Variants in BICRA observed in about 807,000 individuals in gnomAD.
The protein encoded by BICRA is BRD4 interacting chromatin remodeling complex associated protein.
In BICRA, 31 loss-of-function variants were observed where a neutral mutation model predicts 96.9. The ratio of observed to expected loss-of-function variants is 0.32; its 90% CI spans 0.24 to 0.43. BICRA has a LOEUF of 0.43. BICRA is among the 20% of genes least tolerant of loss of function. The pLI, the probability that BICRA is intolerant of heterozygous loss-of-function variation, is 1.00. For missense variants in BICRA, 2,283 were observed against 2,190.3 expected (o/e 1.04, Z -0.84); for synonymous variants, 1,350 against 1,071.8 (o/e 1.26, Z -5.07).
At position 47,695,447 on chromosome 19, in the gene BICRA, C is replaced by T. The variant is rs555772254; in HGVS notation, c.3159C>T (p.Ser1053=). 54 of 1,588,614 alleles carry T rather than the reference C, an allele frequency of 3.4e-5. No individual in the cohort carries two copies. The Middle Eastern group carries it at 8.3e-4, about 24-fold the overall frequency. The change falls in exon 10 of 15, where the codon TCC becomes TCT. Residue 1053 remains serine, a synonymous_variant. Coordinates refer to ENST00000594866, the MANE Select transcript of BICRA (RefSeq NM_001394372.1). ...TGAATGTGGCCAAGGCCGCTTCCTC[C>T]GGGCCAGGGAAGCCCTCCGGGCTGC... is the stretch of plus-strand genomic sequence containing the variant. The part of the protein sequence containing the change: ...PTLNVAKAAS[S]GPGKPSGLQY...
At chr19:47,691,390 C>A (rs1973239027) in intron 7 of BICRA, among the ~76,000 whole-genome samples, 1 of 152,174 alleles carries the variant, frequency 6.6e-6, no homozygotes, top group African/African-American at 2.4e-5. Context: ...GGACTGAACA[C>A]AAGGAGGTGA....
At chr19:47,663,756 C>T (rs1179771455) in intron 1 of BICRA, 2 of 151,506 alleles carry the variant, frequency 1.3e-5, no homozygotes, top group Non-Finnish European at 2.9e-5. Context: ...ATTTTGACCA[C>T]AACTCACAGT....
At chr19:47,644,500 A>C (rs1341745207) in intron 1 of BICRA, among the ~76,000 whole-genome samples, 62 of 65,220 alleles carry the variant, frequency 9.5e-4, no homozygotes, top group Middle Eastern at 0.014. Context: ...CTACCCCTTC[A>C]CCTTCCTTTT....
At chr19:47,627,199 A>G (rs1039877800) in intron 1 of BICRA, among the ~76,000 whole-genome samples, 1 of 152,014 alleles carries the variant, frequency 6.6e-6, no homozygotes, top group Non-Finnish European at 1.5e-5. Context: ...TCTTTAACAT[A>G]ATCATGGCCA....
chr19:47,627,647 A>G (rs531879487), intron 1 of BICRA, among the ~76,000 whole-genome samples: 1 of 152,330 alleles, frequency 6.6e-6, no homozygotes, highest in African/African-American at 2.4e-5. Flanking sequence ...TTGCCCCACA[A>G]TGAGCCAGGA....
rs62130672 is a variant in BICRA at position 47,639,034 on chromosome 19, C to T, written c.-108+29866C>T. Among the ~76,000 whole-genome samples, 895 of 152,034 alleles carry T rather than the reference C, an allele frequency of 5.9e-3. 6 individuals are homozygous for T. Among genetic ancestry groups the T allele is most frequent in the Non-Finnish European group, 0.011 (720 of 67,958 alleles). On this transcript the variant is annotated intron_variant, in intron 1 of 14. Transcript: ENST00000594866. ...TTTTAATGTTTTTGAGACAGGGTCT[C>T]GCTCTGTTTCCCAGACTGGAGTGCA...
rs147655897 is a variant in BICRA at position 47,622,293 on chromosome 19, C to T, written c.-108+13125C>T. On this transcript the variant is annotated intron_variant, in intron 1 of 14. Coordinates refer to ENST00000594866, the MANE Select transcript of BICRA (RefSeq NM_001394372.1). ...TTTTTTAGTAGAGATGGGGTTTCGC[C>T]GCCATGTTGGCCAGGCTAGTCTCGA... Among the ~76,000 whole-genome samples, 1,164 of 151,536 alleles carry T rather than the reference C, an allele frequency of 7.7e-3. 24 individuals carry two copies. The highest frequency in any genetic ancestry group is 0.026 in the African/African-American group (1,085 of 41,338).
intron 1 of BICRA, chr19:47,663,492 C>G (rs1972733269): frequency 6.6e-6 from 1 of 152,166 alleles, no homozygotes; most frequent in Non-Finnish European, 1.5e-5. Context: ...AAATGGCTGC[C>G]ACAGCTCTAG....
chr19:47,609,865 A>G (rs1002824965), intron 1 of BICRA, among the ~76,000 whole-genome samples: 2 of 151,354 alleles, frequency 1.3e-5, no homozygotes, highest in African/African-American at 4.9e-5. Context: ...CCCCTAAACA[A>G]TGAAAGGAGT....
chr19:47,667,051 C>A (rs1434256208), intron 1 of BICRA, among the ~76,000 whole-genome samples: 4 of 149,454 alleles, frequency 2.7e-5, no homozygotes, highest in Non-Finnish European at 1.5e-5. Context: ...CGGAGTCTTG[C>A]TCTGTCGCCC....
At chr19:47,644,301 A>C (rs1972426000) in intron 1 of BICRA, among the ~76,000 whole-genome samples, 1 of 151,984 alleles carries the variant, frequency 6.6e-6, no homozygotes, top group South Asian at 2.1e-4. Context: ...TTGGGATTAC[A>C]GGTGTGAGCC....
At chr19:47,694,083 G>GCCCCC in intron 7 of BICRA, 32 bp from the exon 8 acceptor site, 1 of 1,093,874 alleles carries the variant, frequency 9.1e-7, no homozygotes, top group Non-Finnish European at 1.2e-6. Flanking sequence ...TCTGACCCCC[G>GCCCCC]CCCCTCCCCT....
In BICRA at chr19:47,675,171, G is replaced by C. The variant is rs1972922319; in HGVS notation, c.85-680G>C. On this transcript the variant is annotated intron_variant, in intron 4 of 14. Transcript: ENST00000594866. This position sits in a 1 kb window ranked among gnomAD's most constrained non-coding sequence, Gnocchi z 4.7. ...TGGCTTGAGCAACTGAGTGGATTCT[G>C]GTGCCATTTTCTGAAGTTGGGAATT... Among the ~76,000 whole-genome samples the C allele has an allele frequency of 6.6e-6, 1 of 152,150 alleles. No individual in the cohort carries two copies. The highest frequency in any genetic ancestry group is 2.4e-5 in the African/African-American group (1 of 41,436).
At chr19:47,694,747 C>A in intron 8 of BICRA, 21 bp downstream of exon 8, 1 of 1,266,294 alleles carries the variant, frequency 7.9e-7, no homozygotes, top group Non-Finnish European at 1.1e-6. Context: ...GCAGGGACTG[C>A]CCGCCCCATC....
chr19:47,685,786 T>TGTGCGCGCGTGC, intron 7 of BICRA, among the ~76,000 whole-genome samples: 63 of 117,968 alleles, frequency 5.3e-4, no homozygotes, highest in South Asian at 4.0e-3. Flanking sequence ...TGTGTGTGTG[T>TGTGCGCGCGTGC]GCGCGCGCGC....
chr19:47,698,625 C>A lies in BICRA; in HGVS notation c.3249-9C>A. Reference sequence around the variant, plus strand: ...CGCCGTGTGTGGTCTCTCCCCTTTCCACCCGCAGTTTCCTGGAGCATTTGC... The same window carrying A: ...CGCCGTGTGTGGTCTCTCCCCTTTCAACCCGCAGTTTCCTGGAGCATTTGC... On this transcript the variant is annotated splice_polypyrimidine_tract_variant and intron_variant, in intron 11 of 14. Transcript: ENST00000594866. The surrounding 1 kb of genome is among the most constrained non-coding windows in gnomAD (Gnocchi z 4.8). The A allele has an allele frequency of 1.4e-6, 2 of 1,425,448 alleles. No homozygotes were observed. The highest frequency in any genetic ancestry group is 2.0e-6 in the Non-Finnish European group (2 of 1,010,052). The allele number at this position is 1,425,448 out of a possible 1,614,324, so 88.3% of individuals were successfully genotyped here.
chr19:47,702,441 C>T lies in BICRA; in HGVS notation c.*26C>T, dbSNP rs1323915600. 10 of 1,453,948 alleles carry T rather than the reference C, an allele frequency of 6.9e-6. No individual in the cohort carries two copies. The highest frequency in any genetic ancestry group is 7.2e-6 in the Non-Finnish European group (8 of 1,117,442). The allele number at this position is 1,453,948 out of a possible 1,614,324, so 90.1% of individuals were successfully genotyped here. ...CACCGGGCCGCCTCCCCTTCCCCGTCCCCTCCTCCCGAAGACGCCGGGACA... is the reference window on the plus strand; with the variant it reads ...CACCGGGCCGCCTCCCCTTCCCCGTTCCCTCCTCCCGAAGACGCCGGGACA... On this transcript the variant is annotated 3_prime_UTR_variant, in exon 15 of 15. Coordinates refer to ENST00000594866, the MANE Select transcript of BICRA (RefSeq NM_001394372.1).
At chr19:47,624,674 C>A (rs1035044594) in intron 1 of BICRA, among the ~76,000 whole-genome samples, 4 of 151,604 alleles carry the variant, frequency 2.6e-5, no homozygotes, top group African/African-American at 9.7e-5. Flanking sequence ...ATGCCTGTAC[C>A]TCCCACTGCC....
chr19:47,670,117 A>G (rs10413581), intron 1 of BICRA, among the ~76,000 whole-genome samples: 48,638 of 151,388 alleles, frequency 0.32, 9,848 homozygotes, highest in African/African-American at 0.57. Context: ...GCCCAGCCAA[A>G]AAACTTTCTT....
Sources: allele counts gnomAD v4.1 joint callset (sites outside exome capture counted in the v4.1 genomes callset), GRCh38; gene constraint gnomAD v4.1.1; non-coding constraint Gnocchi (gnomAD v3.1); transcripts MANE v1.5; gene names NCBI Gene and HGNC (gene_info 2026-07-23, HGNC 2026-07-21).